Variants in DUOXA1 observed in about 807,000 individuals in gnomAD.
The protein encoded by DUOXA1 is dual oxidase activator 1.
DUOXA1 carries 19 observed loss-of-function variants against 26.6 expected under a neutral mutation model. That is an observed-to-expected ratio of 0.71 (90% CI 0.50 to 1.05). The LOEUF (loss-of-function observed/expected upper bound fraction) is 1.05, where lower values mean the gene tolerates loss of function less well. Among genes scored for constraint, DUOXA1 ranks in the 50% least tolerant of loss-of-function variants. DUOXA1 has a pLI of 0.00. For synonymous variants in DUOXA1, 166 were observed against 177.0 expected (o/e 0.94, Z 0.49); for missense variants, 403 against 427.5 (o/e 0.94, Z 0.51).
intron 3 of DUOXA1, among the ~76,000 whole-genome samples, chr15:45,126,909 T>G (rs969228310): frequency 1.3e-5 from 2 of 152,168 alleles, no homozygotes; most frequent in African/African-American, 2.4e-5. Flanking sequence ...ATAGTTAGAG[T>G]CTCCAAGACT....
intron 4 of DUOXA1, among the ~76,000 whole-genome samples, chr15:45,122,444 T>C (rs1895311309): frequency 2.0e-5 from 3 of 152,104 alleles, no homozygotes; most frequent in African/African-American, 4.8e-5. Flanking sequence ...CTCACTCTCT[T>C]GCCCAGGCTG....
chr15:45,118,617 T>A lies in DUOXA1; in HGVS notation c.*489A>T. ...GGATGAGAAGTTTGGTTTCCCCTCC[T>A]TTCCAGTGCTGTCTTTCATTGTACC... is the stretch of plus-strand genomic sequence containing the variant. On this transcript the variant is annotated 3_prime_UTR_variant, in exon 9 of 9. Transcript: ENST00000560572. 1.0e-6 allele frequency: 1 copy of A among 990,782 alleles called. No homozygotes were observed. The highest frequency in any genetic ancestry group is 4.7e-5 in the South Asian group (1 of 21,380). 61.4% of individuals were successfully genotyped at this position (990,782 alleles called of 1,614,324 possible). A position where few individuals can be genotyped will look rare whatever the true frequency, so the allele number is the denominator to read the frequency against.
In DUOXA1 at chr15:45,118,055, G is replaced by T; in HGVS notation, c.*1051C>A. The T allele has an allele frequency of 1.9e-6, 3 of 1,559,478 alleles. No homozygotes were observed. Among genetic ancestry groups the T allele is most frequent in the Non-Finnish European group, 2.6e-6 (3 of 1,153,992 alleles). On this transcript the variant is annotated 3_prime_UTR_variant, in exon 9 of 9. Coordinates refer to ENST00000560572, the MANE Select transcript of DUOXA1 (RefSeq NM_001276266.2). ...CGGACATCCGCAGGCACCAGGGAAA[G>T]TCTCCTGGGGCGATCTGTAAATAAA...
At position 45,121,111 on chromosome 15, in the gene DUOXA1, C is replaced by T; in HGVS notation, c.316G>A (p.Gly106Ser). The T allele has an allele frequency of 6.2e-7, 1 of 1,614,162 alleles. No homozygotes were observed. The highest frequency in any genetic ancestry group is 8.5e-7 in the Non-Finnish European group (1 of 1,180,018). ...SADIGLQVGL[G>S]GVNITLTGTP... ...CCTGTGAGTGTGATGTTGACTCCACCCAGCCCGACCTGCAGCCCAATATCA... is the reference window on the plus strand; with the variant it reads ...CCTGTGAGTGTGATGTTGACTCCACTCAGCCCGACCTGCAGCCCAATATCA... Residue 106 changes from glycine (G) to serine (S), a missense_variant, in exon 6 of 9, where the codon GGT (glycine) becomes AGT (serine). Coordinates refer to ENST00000560572, the MANE Select transcript of DUOXA1 (RefSeq NM_001276266.2).
rs779812256 is a variant in DUOXA1, at chr15:45,120,333, G to C, written c.555-13C>G. 1.2e-6 allele frequency: 2 copies of C among 1,613,634 alleles called. No individual in the cohort carries two copies. The highest frequency in any genetic ancestry group is 2.7e-5 in the African/African-American group (2 of 74,922). The stretch of plus-strand genomic sequence containing the variant: ...GAGGAATGCCACCCTGGAGAGCCAG[G>C]ACCCAGTGAGGACTGGCCCAGGTAC... On this transcript the variant is annotated splice_polypyrimidine_tract_variant and intron_variant, in intron 7 of 8. Transcript: ENST00000560572.
chr15:45,118,964 G>A lies in DUOXA1; in HGVS notation c.*142C>T. On this transcript the variant is annotated 3_prime_UTR_variant, in exon 9 of 9. Coordinates refer to ENST00000560572, the MANE Select transcript of DUOXA1 (RefSeq NM_001276266.2). ...TTGTTTTTTAACATCAGTATATAGA[G>A]CCTCCTTTTTCTACTCCGTCTGTAG... 7.0e-7 allele frequency: 1 copy of A among 1,426,848 alleles called. No individual in the cohort carries two copies. Among genetic ancestry groups the A allele is most frequent in the South Asian group, 1.6e-5 (1 of 64,196 alleles). The allele number at this position is 1,426,848 out of a possible 1,614,324, so 88.4% of individuals were successfully genotyped here. A position where few individuals can be genotyped will look rare whatever the true frequency, so the allele number is the denominator to read the frequency against.
At chr15:45,120,962 C>T in intron 6 of DUOXA1, 125 bp downstream of exon 6, 4 of 1,532,532 alleles carry the variant, frequency 2.6e-6, no homozygotes, top group Non-Finnish European at 3.5e-6. Context: ...ATGCCTCTGA[C>T]CTCCCACCTC....
intron 5 of DUOXA1, among the ~76,000 whole-genome samples, chr15:45,121,707 G>A (rs1181267313): frequency 2.0e-5 from 3 of 152,164 alleles, no homozygotes; most frequent in Non-Finnish European, 2.9e-5. Flanking sequence ...GTAGAGATGG[G>A]GTTTCCCCCA....
chr15:45,119,516 A>C, intron 8 of DUOXA1, 151 bp from the exon 9 acceptor site: 4 of 1,288,434 alleles, frequency 3.1e-6, no homozygotes, highest in Non-Finnish European at 4.2e-6. Context: ...GCTGAGGGGC[A>C]TGTGGCTGGT....
intron 3 of DUOXA1, among the ~76,000 whole-genome samples, chr15:45,128,613 T>C (rs1895884056): frequency 6.6e-6 from 1 of 152,188 alleles, no homozygotes; most frequent in Non-Finnish European, 1.5e-5. Flanking sequence ...TGTGTGTTGT[T>C]GCACAAAAAT....
At position 45,129,339 on chromosome 15, in the gene DUOXA1, G is replaced by C. The variant is rs890804189; in HGVS notation, c.-147+121C>G. On this transcript the variant is annotated intron_variant, in intron 2 of 8. Coordinates refer to ENST00000560572, the MANE Select transcript of DUOXA1 (RefSeq NM_001276266.2). The surrounding 1 kb of genome is among the most constrained non-coding windows in gnomAD (Gnocchi z 4.1). Reference sequence around the variant, plus strand: ...CTCTCCCGGCCTGGTACAGAGAAGGGCTGGGTGCGCCAGGACAGTAGTACC... The same window carrying C: ...CTCTCCCGGCCTGGTACAGAGAAGGCCTGGGTGCGCCAGGACAGTAGTACC... The C allele has an allele frequency of 1.3e-5, 2 of 152,574 alleles. No individual in the cohort carries two copies. Among genetic ancestry groups the C allele is most frequent in the African/African-American group, 4.8e-5 (2 of 41,440 alleles). 9.5% of individuals were successfully genotyped at this position (152,574 alleles called of 1,614,324 possible).
At position 45,117,420 on chromosome 15, in the gene DUOXA1, C is replaced by T. The variant is rs1894710321; in HGVS notation, c.*1686G>A. The T allele has an allele frequency of 6.6e-7, 1 of 1,519,712 alleles. No individual in the cohort carries two copies. The allele number at this position is 1,519,712 out of a possible 1,614,324, so 94.1% of individuals were successfully genotyped here. ...CATCTATTACCCTATTTGCCCCTCT[C>T]AATAGTTCGCAGAAACAGGCACTGT... On this transcript the variant is annotated 3_prime_UTR_variant, in exon 9 of 9. Coordinates refer to ENST00000560572, the MANE Select transcript of DUOXA1 (RefSeq NM_001276266.2).
At position 45,122,853 on chromosome 15, in the gene DUOXA1, G is replaced by C; in HGVS notation, c.147+15C>G. On this transcript the variant is annotated intron_variant, in intron 4 of 8. Transcript: ENST00000560572. ...GGTCTCTCTGGGCTGGGGTCTCCAG[G>C]ACTGGGTTTCTCACCGTCTTTCCCC... 1 of 1,603,018 alleles carries C rather than the reference G, an allele frequency of 6.2e-7. No individual in the cohort carries two copies. The highest frequency in any genetic ancestry group is 8.5e-7 in the Non-Finnish European group (1 of 1,175,062).
Position 45,122,220 on chromosome 15 carries a change from A to T in DUOXA1, c.170T>A (p.Val57Glu). The stretch of plus-strand genomic sequence containing the variant: ...AGCCCCGATGAATAAGCTGGTCACC[A>T]CCCGAAGCAGCCAGAACAGCCTCTG... ...GKTRLFWLLR[V>E]VTSLFIGAAI... Residue 57 changes from valine to glutamate, a missense_variant, in exon 5 of 9, where the codon GTG becomes GAG. Coordinates refer to ENST00000560572, the MANE Select transcript of DUOXA1 (RefSeq NM_001276266.2). The T allele has an allele frequency of 1.2e-6, 2 of 1,605,002 alleles. No homozygotes were observed. The highest frequency in any genetic ancestry group is 1.7e-6 in the Non-Finnish European group (2 of 1,175,880).
Position 45,118,186 on chromosome 15 carries a change from C to T in DUOXA1, c.*920G>A. 7.0e-7 allele frequency: 1 copy of T among 1,431,482 alleles called. No individual in the cohort carries two copies. Among genetic ancestry groups the T allele is most frequent in the South Asian group, 1.5e-5 (1 of 65,824 alleles). The allele number at this position is 1,431,482 out of a possible 1,614,324, so 88.7% of individuals were successfully genotyped here. A position where few individuals can be genotyped will look rare whatever the true frequency, so the allele number is the denominator to read the frequency against. Reference sequence around the variant, plus strand: ...TGAGCTTCGCTGGGCTGGAGACAGCCTAGTACACTCTCCGCAGTGCTGTGA... The same window carrying T: ...TGAGCTTCGCTGGGCTGGAGACAGCTTAGTACACTCTCCGCAGTGCTGTGA... On this transcript the variant is annotated 3_prime_UTR_variant, in exon 9 of 9. Transcript: ENST00000560572.
At position 45,120,317 on chromosome 15, in the gene DUOXA1, C is replaced by T. The variant is rs750350747; in HGVS notation, c.558G>A (p.Val186=). 2.8e-5 allele frequency: 45 copies of T among 1,613,844 alleles called. No homozygotes were observed. The highest frequency in any genetic ancestry group is 1.3e-5 in the Non-Finnish European group (15 of 1,180,004). The part of the protein sequence containing the change: ...AGHYTSAMLW[V]AFLCWLLANV... ...TGGCCAGCAGCCAGCAGAGGAATGC[C>T]ACCCTGGAGAGCCAGGACCCAGTGA... Residue 186 remains valine, a synonymous_variant, in exon 8 of 9, where the codon GTG becomes GTA. Coordinates refer to ENST00000560572, the MANE Select transcript of DUOXA1 (RefSeq NM_001276266.2).
chr15:45,123,074 G>T, intron 3 of DUOXA1, 31 bp from the exon 4 acceptor site: 1 of 1,533,112 alleles, frequency 6.5e-7, no homozygotes, highest in South Asian at 1.3e-5. Flanking sequence ...TTTATTGCAT[G>T]CCCTCAATGT....
intron 3 of DUOXA1, among the ~76,000 whole-genome samples, chr15:45,125,005 G>C (rs755918473): frequency 2.0e-5 from 3 of 152,120 alleles, no homozygotes; most frequent in Non-Finnish European, 4.4e-5. Context: ...ATATGCCCTA[G>C]CTCCCAGCCT....
At chr15:45,125,365 A>T (rs1398924315) in intron 3 of DUOXA1, among the ~76,000 whole-genome samples, 1 of 152,044 alleles carries the variant, frequency 6.6e-6, no homozygotes, top group Non-Finnish European at 1.5e-5. Flanking sequence ...TCTCAAGGGT[A>T]TACTGAAATT....
Sources: allele counts gnomAD v4.1 joint callset (sites outside exome capture counted in the v4.1 genomes callset), GRCh38; gene constraint gnomAD v4.1.1; non-coding constraint Gnocchi (gnomAD v3.1); transcripts MANE v1.5; gene names NCBI Gene and HGNC (gene_info 2026-07-23, HGNC 2026-07-21).